The following LRFN5 variants were observed in gnomAD, a reference collection of about 807,000 sequenced individuals.
LRFN5 encodes the protein leucine rich repeat and fibronectin type III domain containing 5, also known as leucine-rich repeat and fibronectin type-III domain-containing protein 5.
Under a neutral mutation model 45.6 loss-of-function variants are expected in LRFN5, and 24 were observed. That is an observed-to-expected ratio of 0.53 (90% CI 0.38 to 0.74). LRFN5 has a LOEUF of 0.74. Among genes scored for constraint, LRFN5 ranks in the 30% least tolerant of loss-of-function variants. LRFN5 has a pLI of 0.00. For synonymous variants in LRFN5, 340 were observed against 313.8 expected, an observed-to-expected ratio of 1.08 and a Z score of -0.88; for missense variants, 776 against 861.5, an observed-to-expected ratio of 0.90 and a Z score of 1.24.
At chr14:41,611,550 T>C (rs946604376) in intron 1 of LRFN5, among the ~76,000 whole-genome samples, 7 of 152,284 alleles carry the variant, frequency 4.6e-5, no homozygotes, top group African/African-American at 1.4e-4. Context: ...CAATAAGATA[T>C]CTATAAGAAC....
At chr14:41,826,189 G>A (rs1179117872) in intron 2 of LRFN5, among the ~76,000 whole-genome samples, 1 of 152,102 alleles carries the variant, frequency 6.6e-6, no homozygotes, top group Admixed American at 6.5e-5. Context: ...ATTCTCTTGA[G>A]AAGTCACACT....
At chr14:41,759,800 A>C (rs756738009) in intron 1 of LRFN5, among the ~76,000 whole-genome samples, 2 of 152,190 alleles carry the variant, frequency 1.3e-5, no homozygotes, top group African/African-American at 2.4e-5. Context: ...TTTAATAAGG[A>C]CAAATAATTC....
intron 2 of LRFN5, among the ~76,000 whole-genome samples, chr14:41,812,203 TC>T (rs1887760436): frequency 6.6e-6 from 1 of 152,046 alleles, no homozygotes; most frequent in Non-Finnish European, 1.5e-5. Flanking sequence ...TTGTATATAT[TC>T]CAAAATGATA....
chr14:41,664,945 T>A (rs903612398), intron 1 of LRFN5, among the ~76,000 whole-genome samples: 8 of 152,050 alleles, frequency 5.3e-5, no homozygotes, highest in Admixed American at 5.3e-4. Context: ...TGGGTACCAA[T>A]GATTGTATTT....
chr14:41,642,152 A>G (rs929920272), intron 1 of LRFN5, among the ~76,000 whole-genome samples: 10 of 152,194 alleles, frequency 6.6e-5, no homozygotes, highest in South Asian at 4.1e-4. Flanking sequence ...TATACTCAAT[A>G]TAAGAGCTAA....
intron 1 of LRFN5, among the ~76,000 whole-genome samples, chr14:41,637,656 T>C (rs1035667839): frequency 1.3e-5 from 2 of 152,184 alleles, no homozygotes; most frequent in African/African-American, 4.8e-5. Flanking sequence ...CTCTGAGCTC[T>C]GTACACCTTA....
At chr14:41,755,404 C>G (rs558715992) in intron 1 of LRFN5, among the ~76,000 whole-genome samples, 2 of 152,250 alleles carry the variant, frequency 1.3e-5, no homozygotes, top group African/African-American at 2.4e-5. Flanking sequence ...GAGTCTAAGT[C>G]TCTTTGTAGG....
At chr14:41,819,822 G>A (rs1387486894) in intron 2 of LRFN5, among the ~76,000 whole-genome samples, 1 of 152,044 alleles carries the variant, frequency 6.6e-6, no homozygotes, top group African/African-American at 2.4e-5. Context: ...CCAAGATTAG[G>A]AATTACAATT....
intron 2 of LRFN5, among the ~76,000 whole-genome samples, chr14:41,786,390 T>G (rs981338492): frequency 6.6e-6 from 1 of 152,020 alleles, no homozygotes; most frequent in African/African-American, 2.4e-5. Flanking sequence ...ATACATTAAT[T>G]TAACATTTTT....
At chr14:41,706,655 A>G (rs1686766604) in intron 1 of LRFN5, among the ~76,000 whole-genome samples, 1 of 152,118 alleles carries the variant, frequency 6.6e-6, no homozygotes, top group Non-Finnish European at 1.5e-5. Flanking sequence ...GATGGATGTT[A>G]TCTAATATCT....
At chr14:41,837,709 C>T (rs189675643) in intron 2 of LRFN5, among the ~76,000 whole-genome samples, 2 of 152,080 alleles carry the variant, frequency 1.3e-5, no homozygotes, top group East Asian at 3.9e-4. Context: ...AATGTATTTC[C>T]TGCATGTGCA....
At chr14:41,770,632 G>A (rs1052529795) in intron 2 of LRFN5, among the ~76,000 whole-genome samples, 2 of 152,196 alleles carry the variant, frequency 1.3e-5, no homozygotes, top group East Asian at 1.9e-4. Context: ...AGCATGTTGT[G>A]AAGGATGGGC....
intron 1 of LRFN5, among the ~76,000 whole-genome samples, chr14:41,626,953 T>A (rs1161631512): frequency 6.6e-6 from 1 of 152,142 alleles, no homozygotes; most frequent in African/African-American, 2.4e-5. Context: ...ACATTTTATG[T>A]CATATTTAAC....
chr14:41,874,246 G>C (rs796950726), intron 2 of LRFN5, among the ~76,000 whole-genome samples: 3 of 152,156 alleles, frequency 2.0e-5, no homozygotes, highest in East Asian at 3.9e-4. Flanking sequence ...ATGAGATGCA[G>C]TAGAAAGAGA....
intron 1 of LRFN5, among the ~76,000 whole-genome samples, chr14:41,648,249 C>T (rs566064240): frequency 1.3e-5 from 2 of 151,714 alleles, no homozygotes; most frequent in East Asian, 3.9e-4. Context: ...TTGAAGTGTT[C>T]AAGAAAAAAA....
intron 2 of LRFN5, among the ~76,000 whole-genome samples, chr14:41,839,072 T>C (rs1374177423): frequency 6.6e-6 from 1 of 152,180 alleles, no homozygotes; most frequent in African/African-American, 2.4e-5. Flanking sequence ...TCAAGGTCTT[T>C]GGTAGCCTGA....
At chr14:41,803,712 C>G (rs987384065) in intron 2 of LRFN5, among the ~76,000 whole-genome samples, 3 of 152,106 alleles carry the variant, frequency 2.0e-5, no homozygotes, top group Non-Finnish European at 4.4e-5. Flanking sequence ...ATAACAGTAA[C>G]TAGAACATAG....
intron 1 of LRFN5, among the ~76,000 whole-genome samples, chr14:41,746,991 C>T (rs536767553): frequency 9.9e-5 from 15 of 151,780 alleles, no homozygotes; most frequent in East Asian, 3.9e-4. Context: ...TAGGAATAAA[C>T]GTAACAAAGG....
At chr14:41,758,067 A>C (rs1885490934) in intron 1 of LRFN5, among the ~76,000 whole-genome samples, 1 of 152,182 alleles carries the variant, frequency 6.6e-6, no homozygotes, top group Non-Finnish European at 1.5e-5. Flanking sequence ...TTATGCTTTC[A>C]AATGGCCTTT....
Sources: allele counts gnomAD v4.1 joint callset (sites outside exome capture counted in the v4.1 genomes callset), GRCh38; gene constraint gnomAD v4.1.1; transcripts MANE v1.5; gene names NCBI Gene and HGNC (gene_info 2026-07-23, HGNC 2026-07-21).